The following SUZ12 variants were observed in gnomAD, a reference collection of about 807,000 sequenced individuals.
The protein encoded by SUZ12 is SUZ12 polycomb repressive complex 2 subunit, also known as polycomb protein SUZ12.
Under a neutral mutation model 87.3 loss-of-function variants are expected in SUZ12, and 17 were observed. That is an observed-to-expected ratio of 0.19 (90% CI 0.13 to 0.29). The LOEUF (loss-of-function observed/expected upper bound fraction) is 0.29. Among genes scored for constraint, SUZ12 ranks in the 10% least tolerant of loss-of-function variants. The pLI, the probability that SUZ12 is intolerant of heterozygous loss-of-function variation, is 1.00. For missense variants in SUZ12, 526 were observed against 912.2 expected (o/e 0.58, Z 5.45); for synonymous variants, 253 against 312.4 (o/e 0.81, Z 2.01).
chr17:31,976,002 A>G (rs780201654), intron 7 of SUZ12, among the ~76,000 whole-genome samples: 133 of 152,194 alleles, frequency 8.7e-4, no homozygotes, highest in Non-Finnish European at 1.5e-3. Flanking sequence ...ACAATTGTGA[A>G]TTCATCTTTG....
intron 4 of SUZ12, among the ~76,000 whole-genome samples, chr17:31,950,984 G>T (rs1906943327): frequency 6.6e-6 from 1 of 152,152 alleles, no homozygotes; most frequent in Middle Eastern, 3.4e-3. Flanking sequence ...GTTTCACCGT[G>T]TTAGCCAGGA....
chr17:31,953,111 A>G (rs1907086814), intron 4 of SUZ12, among the ~76,000 whole-genome samples: 1 of 151,942 alleles, frequency 6.6e-6, no homozygotes, highest in African/African-American at 2.4e-5. Flanking sequence ...TCAAGCATAT[A>G]TTTTTATTTT....
intron 8 of SUZ12, among the ~76,000 whole-genome samples, chr17:31,977,302 G>A (rs1265316557): frequency 3.8e-5 from 5 of 132,332 alleles, no homozygotes; most frequent in Middle Eastern, 3.7e-3. Context: ...TTTTAGAATA[G>A]TGTCTCACTC....
intron 7 of SUZ12, 123 bp from the exon 8 acceptor site, chr17:31,976,398 C>T: frequency 2.6e-6 from 2 of 776,048 alleles, no homozygotes; most frequent in Admixed American, 5.7e-5. Flanking sequence ...TATATTATTG[C>T]AACTTTAGTG....
Position 32,000,040 on chromosome 17 carries a change from T to C in SUZ12, c.*1037T>C, listed in dbSNP as rs1910180252. On this transcript the variant is annotated 3_prime_UTR_variant, in exon 16 of 16. Transcript: ENST00000322652. ...TTTTGAGCAATTTTGCCCTGTGTTA[T>C]ATGTGTTTCACGCACATATTTGCAG... The C allele has an allele frequency of 4.3e-6, 1 of 232,926 alleles. No individual in the cohort carries two copies. The allele number at this position is 232,926 out of a possible 1,614,324, so 14.4% of individuals were successfully genotyped here.
intron 5 of SUZ12, among the ~76,000 whole-genome samples, chr17:31,970,946 T>G (rs1204947860): frequency 6.6e-6 from 1 of 152,246 alleles, no homozygotes; most frequent in Admixed American, 6.5e-5. Flanking sequence ...TATTCAGTTA[T>G]GAACTGTTAA....
chr17:31,975,800 T>C (rs1357896606), intron 7 of SUZ12, 87 bp downstream of exon 7: 18 of 1,077,506 alleles, frequency 1.7e-5, no homozygotes, highest in African/African-American at 4.8e-5. Context: ...ATGATAGTCA[T>C]GGTGCTGAGT....
Position 31,995,649 on chromosome 17 carries a change from C to T in SUZ12, c.1681C>T (p.His561Tyr). 6.2e-7 allele frequency: 1 copy of T among 1,613,844 alleles called. No homozygotes were observed. ...ACAGCAAAGAACATATAGTAGTGGC[C>T]ACAATCGTCTGTATTTCCATAGTGA... ...VEQQRTYSSG[H>Y]NRLYFHSDTC... is the part of the protein sequence containing the mutation. The change falls in exon 14 of 16, where the codon CAC (histidine) becomes TAC (tyrosine). Residue 561 changes from histidine (H) to tyrosine (Y), a missense_variant. Coordinates refer to ENST00000322652, the MANE Select transcript of SUZ12 (RefSeq NM_015355.4).
At chr17:31,948,718 G>A (rs1405726644) in intron 4 of SUZ12, among the ~76,000 whole-genome samples, 2 of 151,958 alleles carry the variant, frequency 1.3e-5, no homozygotes, top group African/African-American at 4.8e-5. Context: ...AATCTTGTGG[G>A]GTTGAAGTAT....
At chr17:31,981,847 A>G (rs920776845) in intron 8 of SUZ12, among the ~76,000 whole-genome samples, 1 of 152,232 alleles carries the variant, frequency 6.6e-6, no homozygotes, top group African/African-American at 2.4e-5. Context: ...GTAATTGTAC[A>G]TAGTTCATAG....
At chr17:31,988,279 T>TAG (rs755489166) in intron 9 of SUZ12, 41 bp from the exon 10 acceptor site, 1 of 1,488,418 alleles carries the variant, frequency 6.7e-7, no homozygotes, top group Non-Finnish European at 9.0e-7. Flanking sequence ...TTTGAATTCA[T>TAG]TATCTGAGTC....
chr17:31,937,097 C>T lies in SUZ12; in HGVS notation c.-150C>T, dbSNP rs1905969336. 3 of 642,956 alleles carry T rather than the reference C, an allele frequency of 4.7e-6. No homozygotes were observed. The highest frequency in any genetic ancestry group is 7.0e-6 in the Non-Finnish European group (3 of 427,912). 39.8% of individuals were successfully genotyped at this position (642,956 alleles called of 1,614,324 possible). ...TTTTCCTCCCTCCTTCCCTCCTCTCCTCCTCCCTTCCCTTCCCCTCTCCTC... is the reference window on the plus strand; with the variant it reads ...TTTTCCTCCCTCCTTCCCTCCTCTCTTCCTCCCTTCCCTTCCCCTCTCCTC... On this transcript the variant is annotated 5_prime_UTR_variant, in exon 1 of 16. Coordinates refer to ENST00000322652, the MANE Select transcript of SUZ12 (RefSeq NM_015355.4).
At chr17:31,953,906 G>A (rs933462809) in intron 4 of SUZ12, among the ~76,000 whole-genome samples, 1 of 151,614 alleles carries the variant, frequency 6.6e-6, no homozygotes, top group Non-Finnish European at 1.5e-5. Context: ...TAGAGAAGGG[G>A]TTTCACCATG....
chr17:31,972,526 C>T (rs1306116214), intron 5 of SUZ12, among the ~76,000 whole-genome samples: 1 of 151,992 alleles, frequency 6.6e-6, no homozygotes, highest in Non-Finnish European at 1.5e-5. Flanking sequence ...GATCCTTCCA[C>T]CTAGCCTCTG....
intron 15 of SUZ12, among the ~76,000 whole-genome samples, chr17:31,997,582 G>C (rs930401362): frequency 1.4e-5 from 2 of 146,914 alleles, no homozygotes; most frequent in Non-Finnish European, 3.0e-5. Flanking sequence ...ATAATCACTT[G>C]AAGAACCCGG....
At chr17:31,964,704 C>G (rs1275118627) in intron 4 of SUZ12, among the ~76,000 whole-genome samples, 1 of 152,142 alleles carries the variant, frequency 6.6e-6, no homozygotes, top group Non-Finnish European at 1.5e-5. Context: ...GCACCCGGCC[C>G]ACACTGTAGT....
rs577177144 is a variant in SUZ12, at chr17:31,996,983, A to G, written c.1874+106A>G. On this transcript the variant is annotated intron_variant, in intron 15 of 15. Coordinates refer to ENST00000322652, the MANE Select transcript of SUZ12 (RefSeq NM_015355.4). ...GTGTTAGAATCTTATTTAAAATTCC[A>G]TTAATGTATATTTGTCCCAAATTTT... 6 of 770,932 alleles carry G rather than the reference A, an allele frequency of 7.8e-6. No homozygotes were observed. In the South Asian group the frequency reaches 2.3e-4, roughly 29 times the overall value. The allele number at this position is 770,932 out of a possible 1,614,324, so 47.8% of individuals were successfully genotyped here.
intron 8 of SUZ12, among the ~76,000 whole-genome samples, chr17:31,981,370 A>G (rs995172040): frequency 1.3e-5 from 2 of 152,220 alleles, no homozygotes; most frequent in African/African-American, 4.8e-5. Flanking sequence ...AATTAAAAGT[A>G]CACTGAGATG....
At chr17:31,996,534 G>A (rs955315356) in intron 14 of SUZ12, among the ~76,000 whole-genome samples, 2 of 152,176 alleles carry the variant, frequency 1.3e-5, no homozygotes, top group Non-Finnish European at 2.9e-5. Context: ...CAGGAGAATT[G>A]CTTGAACCCG....
Sources: allele counts gnomAD v4.1 joint callset (sites outside exome capture counted in the v4.1 genomes callset), GRCh38; gene constraint gnomAD v4.1.1; transcripts MANE v1.5; gene names NCBI Gene and HGNC (gene_info 2026-07-23, HGNC 2026-07-21).